Variants in PRKN observed in about 807,000 individuals in gnomAD.
The protein encoded by PRKN is parkin RBR E3 ubiquitin protein ligase.
PRKN carries 56 observed loss-of-function variants against 59.5 expected under a neutral mutation model. That is an observed-to-expected ratio of 0.94 (90% CI 0.76 to 1.18). The LOEUF is 1.18. Ranked by LOEUF, PRKN falls within the 50% of genes most tolerant of loss-of-function variation. The pLI, the probability that PRKN is intolerant of heterozygous loss-of-function variation, is 0.00. For synonymous variants in PRKN, 250 were observed against 222.1 expected, an observed-to-expected ratio of 1.13 and a Z score of -1.12; for missense variants, 657 against 596.4, an observed-to-expected ratio of 1.10 and a Z score of -1.06.
chr6:162,276,934 G>A (rs1250955859), intron 2 of PRKN, among the ~76,000 whole-genome samples: 2 of 151,632 alleles, frequency 1.3e-5, no homozygotes, highest in Non-Finnish European at 2.9e-5. Flanking sequence ...CCAAGTTTGG[G>A]AAAATATAAA....
At chr6:161,946,596 GCCTTCCTTT>G (rs1779792616) in intron 6 of PRKN, among the ~76,000 whole-genome samples, 1 of 152,068 alleles carries the variant, frequency 6.6e-6, no homozygotes, top group African/African-American at 2.4e-5. Flanking sequence ...CACAGTGAAT[GCCTTCCTTT>G]CCTTCTGAGA....
intron 1 of PRKN, among the ~76,000 whole-genome samples, chr6:162,694,115 C>T (rs775986187): frequency 3.0e-4 from 45 of 150,514 alleles, no homozygotes; most frequent in African/African-American, 1.0e-3. Context: ...GGCATGGTGG[C>T]GGGCACCTGT....
intron 5 of PRKN, among the ~76,000 whole-genome samples, chr6:162,001,673 C>T (rs969484092): frequency 2.6e-5 from 4 of 151,780 alleles, no homozygotes; most frequent in Non-Finnish European, 5.9e-5. Context: ...TTAGTTAGGC[C>T]TTCCAGTAAA....
intron 6 of PRKN, among the ~76,000 whole-genome samples, chr6:161,953,575 C>T (rs572103921): frequency 5.9e-5 from 9 of 152,174 alleles, no homozygotes; most frequent in African/African-American, 1.2e-4. Flanking sequence ...AATGGCCCAA[C>T]AGCTAGCAGC....
chr6:161,887,305 G>C (rs1340009390), intron 6 of PRKN, among the ~76,000 whole-genome samples: 1 of 152,188 alleles, frequency 6.6e-6, no homozygotes, highest in Non-Finnish European at 1.5e-5. Flanking sequence ...TTACAAAAAA[G>C]ATGCTGAGCA....
rs368784186 is a variant in PRKN, at chr6:161,468,259, C to T, written c.1083+80595G>A. Among the ~76,000 whole-genome samples the T allele has an allele frequency of 1.3e-5, 2 of 152,046 alleles. No individual in the cohort carries two copies. The highest frequency in any genetic ancestry group is 2.9e-5 in the Non-Finnish European group (2 of 68,016). ...ACGTGCTAGGATTACAGGCATGAGCCGCCATGCCCAGCCTCTTACCCTATA... is the reference window on the plus strand; with the variant it reads ...ACGTGCTAGGATTACAGGCATGAGCTGCCATGCCCAGCCTCTTACCCTATA... On this transcript the variant is annotated intron_variant, in intron 9 of 11. Transcript: ENST00000366898. This position sits in a 1 kb window ranked among gnomAD's most constrained non-coding sequence, Gnocchi z 5.9.
intron 6 of PRKN, among the ~76,000 whole-genome samples, chr6:161,813,652 C>T (rs576108247): frequency 6.6e-6 from 1 of 152,304 alleles, no homozygotes; most frequent in East Asian, 1.9e-4. Context: ...GAAAGTTGGG[C>T]CCTTGGGGCT....
intron 6 of PRKN, among the ~76,000 whole-genome samples, chr6:161,933,291 AAAAC>A (rs2128241350): frequency 6.6e-6 from 1 of 152,306 alleles, no homozygotes; most frequent in South Asian, 2.1e-4. Context: ...AACAAAAACA[AAAAC>A]AAAACTGAGA....
At chr6:162,437,669 A>G (rs1353964810) in intron 2 of PRKN, among the ~76,000 whole-genome samples, 1 of 152,178 alleles carries the variant, frequency 6.6e-6, no homozygotes, top group Non-Finnish European at 1.5e-5. Flanking sequence ...TATATAAATA[A>G]AATTATTCAG....
chr6:162,489,608 A>G (rs969843103), intron 1 of PRKN, among the ~76,000 whole-genome samples: 5 of 152,228 alleles, frequency 3.3e-5, no homozygotes, highest in African/African-American at 1.2e-4. Context: ...TGAAATAAAC[A>G]CTTCAAGCCT....
intron 6 of PRKN, among the ~76,000 whole-genome samples, chr6:161,848,135 A>G (rs1292888196): frequency 6.6e-6 from 1 of 152,180 alleles, no homozygotes; most frequent in East Asian, 1.9e-4. Flanking sequence ...ATTCATTAGC[A>G]TTTGTGAAAG....
chr6:161,394,953 T>A lies in PRKN; in HGVS notation c.1084-8076A>T, dbSNP rs144720029. Among the ~76,000 whole-genome samples, 1,330 of 152,344 alleles carry A rather than the reference T, an allele frequency of 8.7e-3. 20 individuals are homozygous for A. The highest frequency in any genetic ancestry group is 0.031 in the African/African-American group (1,287 of 41,562). ...CTTAAAAATGTGTATTGGCCATTTATTTTTTTCTTTTCTTTAAGAGCGTTA... is the reference window on the plus strand; with the variant it reads ...CTTAAAAATGTGTATTGGCCATTTAATTTTTTCTTTTCTTTAAGAGCGTTA... On this transcript the variant is annotated intron_variant, in intron 9 of 11. Transcript: ENST00000366898.
chr6:162,724,330 G>C (rs566349190), intron 1 of PRKN, among the ~76,000 whole-genome samples: 41 of 152,268 alleles, frequency 2.7e-4, no homozygotes, highest in Non-Finnish European at 4.9e-4. Context: ...GCCTGGGTCA[G>C]GGCATTCAAC....
At chr6:162,364,843 T>A (rs953932805) in intron 2 of PRKN, among the ~76,000 whole-genome samples, 1 of 152,138 alleles carries the variant, frequency 6.6e-6, no homozygotes, top group African/African-American at 2.4e-5. Context: ...ACCAGGAATA[T>A]GATCCTGGGC....
At chr6:161,496,743 T>C (rs1427653331) in intron 9 of PRKN, among the ~76,000 whole-genome samples, 1 of 152,078 alleles carries the variant, frequency 6.6e-6, no homozygotes, top group East Asian at 1.9e-4. Context: ...GTAGGTTGGC[T>C]CTAACTGAAA....
At chr6:161,694,450 T>A (rs1194810408) in intron 7 of PRKN, among the ~76,000 whole-genome samples, 2 of 152,190 alleles carry the variant, frequency 1.3e-5, no homozygotes, top group Admixed American at 6.5e-5. Flanking sequence ...AGGCACACAG[T>A]GTGCAATTTA....
intron 2 of PRKN, among the ~76,000 whole-genome samples, chr6:162,427,735 T>G (rs934888000): frequency 6.6e-6 from 1 of 151,948 alleles, no homozygotes; most frequent in African/African-American, 2.4e-5. Context: ...AAGCTCCACT[T>G]CGCGGGTTCA....
chr6:162,255,983 A>T (rs868321824), intron 3 of PRKN, among the ~76,000 whole-genome samples: 1 of 152,184 alleles, frequency 6.6e-6, no homozygotes, highest in African/African-American at 2.4e-5. Flanking sequence ...TATCATGCAC[A>T]GAAAAGATTG....
chr6:161,512,026 CTGTA>C (rs1162978645), intron 9 of PRKN, among the ~76,000 whole-genome samples: 3 of 152,316 alleles, frequency 2.0e-5, no homozygotes, highest in Middle Eastern at 3.4e-3. Context: ...ATTGTTGTCA[CTGTA>C]TGCAGAATCT....
Sources: allele counts gnomAD v4.1 joint callset (sites outside exome capture counted in the v4.1 genomes callset), GRCh38; gene constraint gnomAD v4.1.1; non-coding constraint Gnocchi (gnomAD v3.1); transcripts MANE v1.5; gene names NCBI Gene and HGNC (gene_info 2026-07-23, HGNC 2026-07-21).